ADGRL2: variants seen among roughly 807,000 people sequenced by gnomAD.
The protein encoded by ADGRL2 is calcium-independent alpha-latrotoxin receptor 2.
In ADGRL2, 44 loss-of-function variants were observed where a neutral mutation model predicts 157.4. The observed-to-expected ratio is 0.28, with a 90% CI of 0.22 to 0.36. ADGRL2 has a LOEUF of 0.36. ADGRL2 is among the 10% of genes least tolerant of loss of function. ADGRL2 has a pLI of 1.00. For synonymous variants in ADGRL2, 585 were observed against 624.7 expected, an observed-to-expected ratio of 0.94 and a Z score of 0.95; for missense variants, 1,510 against 1,768.9, an observed-to-expected ratio of 0.85 and a Z score of 2.63.
At chr1:81,375,695 A>G (rs2076237026) in intron 1 of ADGRL2, among the ~76,000 whole-genome samples, 1 of 152,180 alleles carries the variant, frequency 6.6e-6, no homozygotes, top group Non-Finnish European at 1.5e-5. Context: ...ATTTACCAGT[A>G]TCTTATTTTG....
intron 17 of ADGRL2, 143 bp from the exon 18 acceptor site, chr1:81,979,726 A>G: frequency 1.8e-6 from 1 of 560,868 alleles, no homozygotes; most frequent in Non-Finnish European, 3.2e-6. Context: ...AGTATTTTTT[A>G]TGTAGACTCA....
intron 1 of ADGRL2, among the ~76,000 whole-genome samples, chr1:81,375,167 C>T (rs1462689452): frequency 1.3e-5 from 2 of 152,208 alleles, no homozygotes; most frequent in Non-Finnish European, 2.9e-5. Context: ...TAGCTTAATA[C>T]CTGTCTTAAT....
chr1:81,318,140 GT>G (rs1557591661), intron 1 of ADGRL2, among the ~76,000 whole-genome samples: 2 of 152,066 alleles, frequency 1.3e-5, no homozygotes, highest in Non-Finnish European at 2.9e-5. Context: ...TGTCATTTCT[GT>G]TTCATGCTTT....
intron 3 of ADGRL2, among the ~76,000 whole-genome samples, chr1:81,646,951 T>C (rs2148824060): frequency 6.6e-6 from 1 of 152,336 alleles, no homozygotes; most frequent in Admixed American, 6.5e-5. Context: ...GAGGCTGTAA[T>C]TATTAAGTAA....
chr1:81,875,284 T>A (rs2093808777), intron 2 of ADGRL2, among the ~76,000 whole-genome samples: 1 of 152,146 alleles, frequency 6.6e-6, no homozygotes, highest in African/African-American at 2.4e-5. Context: ...TCCCTAATAA[T>A]ACTTGTCTTC....
upstream of ADGRL2, among the ~76,000 whole-genome samples, chr1:81,796,920 TA>T: frequency 6.6e-6 from 1 of 152,324 alleles, no homozygotes; most frequent in South Asian, 2.1e-4. Flanking sequence ...GGAGAATAGC[TA>T]AAACCTTACT....
intron 3 of ADGRL2, among the ~76,000 whole-genome samples, chr1:81,635,322 G>A (rs1264404017): frequency 1.3e-5 from 2 of 152,086 alleles, no homozygotes; most frequent in Admixed American, 6.6e-5. Context: ...TAAGAAATTC[G>A]AAGGAAGACG....
At chr1:81,306,707 G>A (rs1228697455) in intron 1 of ADGRL2, among the ~76,000 whole-genome samples, 1 of 152,134 alleles carries the variant, frequency 6.6e-6, no homozygotes, top group African/African-American at 2.4e-5. Flanking sequence ...TTTCCCTGCA[G>A]CAAGCTTCAG....
Position 81,879,283 on chromosome 1 carries a change from G to A in ADGRL2, c.74-27734G>A, listed in dbSNP as rs1025800990. Among the ~76,000 whole-genome samples, 5 of 149,908 alleles carry A rather than the reference G, an allele frequency of 3.3e-5. No homozygotes were observed. In the South Asian group the frequency reaches 1.1e-3, roughly 32 times the overall value. ...CAGAGTAATTAGCGAGCAAGCTCAG[G>A]AAAAAAAAAATCTCAGAATACTTAG... On this transcript the variant is annotated intron_variant, in intron 2 of 23. Transcript: ENST00000686636.
At chr1:81,509,639 G>A (rs1271037518) in intron 2 of ADGRL2, among the ~76,000 whole-genome samples, 2 of 152,172 alleles carry the variant, frequency 1.3e-5, no homozygotes, top group African/African-American at 2.4e-5. Flanking sequence ...ATGAGAAAAG[G>A]CCCCTTCAAA....
At chr1:81,426,559 G>A (rs940393359) in intron 1 of ADGRL2, 1 of 452,628 alleles carries the variant, frequency 2.2e-6, no homozygotes, top group South Asian at 1.6e-5. Context: ...GAGTAGTTGG[G>A]AAAACTGTTT....
chr1:81,990,703 AC>A lies in ADGRL2; in HGVS notation c.3971del (p.Pro1324GlnfsTer30). On this transcript the variant is annotated frameshift_variant, in exon 24 of 24. Transcript: ENST00000686636. LOFTEE classifies it high-confidence loss of function. ...ADASSLMHSDNPGLELHHKEL... is the reference protein window; with the variant it reads ...ADASSLMHSDXPGLELHHKEL... ...GCTTCATCTTTAATGCACAGCGACA[AC>A]CCAGGGCTGGAGCTCCATCACAAAG... 1 of 1,614,112 alleles carries A rather than the reference AC, an allele frequency of 6.2e-7. No individual in the cohort carries two copies. The highest frequency in any genetic ancestry group is 8.5e-7 in the Non-Finnish European group (1 of 1,180,004).
At chr1:81,808,407 T>G (rs1216974051) in intron 1 of ADGRL2, among the ~76,000 whole-genome samples, 3 of 152,106 alleles carry the variant, frequency 2.0e-5, no homozygotes, top group Non-Finnish European at 4.4e-5. Context: ...AGTTTTGATA[T>G]GCATACATTT....
chr1:81,987,833 C>A, intron 22 of ADGRL2, 36 bp from the exon 23 acceptor site: 1 of 304,842 alleles, frequency 3.3e-6, no homozygotes, highest in Non-Finnish European at 6.9e-6. Context: ...TTTTCATTCT[C>A]TTGTTTTTTT....
chr1:81,987,430 T>C (rs779143099), intron 22 of ADGRL2: 2 of 835,134 alleles, frequency 2.4e-6, no homozygotes, highest in Non-Finnish European at 4.2e-6. Flanking sequence ...ATGAAGATAA[T>C]TTGGATGCCT....
chr1:81,501,077 C>T (rs2078835211), intron 2 of ADGRL2, among the ~76,000 whole-genome samples: 1 of 152,148 alleles, frequency 6.6e-6, no homozygotes, highest in African/African-American at 2.4e-5. Context: ...ATCCTAAAGA[C>T]TAGAAAGTAC....
intron 2 of ADGRL2, among the ~76,000 whole-genome samples, chr1:81,549,150 G>C (rs1372906012): frequency 6.6e-6 from 1 of 152,180 alleles, no homozygotes; most frequent in Non-Finnish European, 1.5e-5. Flanking sequence ...AATTGGATTA[G>C]TATTACCAAG....
At chr1:81,527,992 G>A (rs891124848) in intron 2 of ADGRL2, among the ~76,000 whole-genome samples, 7 of 152,048 alleles carry the variant, frequency 4.6e-5, no homozygotes, top group Non-Finnish European at 7.4e-5. Context: ...ACGTGAACCC[G>A]GGAGGCGGAG....
intron 1 of ADGRL2, chr1:81,722,432 C>T: frequency 1.7e-6 from 2 of 1,148,524 alleles, no homozygotes; most frequent in Non-Finnish European, 1.3e-6. Flanking sequence ...GCTGAATTTG[C>T]GCTTGGCCGT....
Sources: allele counts gnomAD v4.1 joint callset (sites outside exome capture counted in the v4.1 genomes callset), GRCh38; gene constraint gnomAD v4.1.1; transcripts MANE v1.5; gene names NCBI Gene and HGNC (gene_info 2026-07-23, HGNC 2026-07-21).